OTUD4: variants seen among roughly 807,000 people sequenced by gnomAD.
The protein encoded by OTUD4 is OTU deubiquitinase 4.
In OTUD4, 24 loss-of-function variants were observed where a neutral mutation model predicts 130.4. The observed-to-expected ratio is 0.18, with a 90% CI of 0.13 to 0.26. The LOEUF is 0.26. Among genes scored for constraint, OTUD4 ranks in the 10% least tolerant of loss-of-function variants. The pLI is 1.00. For missense variants in OTUD4, 1,031 were observed against 1,329.4 expected, an observed-to-expected ratio of 0.78 and a Z score of 3.49; for synonymous variants, 420 against 472.5, an observed-to-expected ratio of 0.89 and a Z score of 1.44.
intron 1 of OTUD4, among the ~76,000 whole-genome samples, chr4:145,175,533 A>T (rs1752375508): frequency 1.3e-5 from 2 of 152,060 alleles, no homozygotes; most frequent in South Asian, 4.1e-4. Context: ...AAAGCTGTGA[A>T]TTGAAACAAC....
intron 17 of OTUD4, among the ~76,000 whole-genome samples, chr4:145,142,658 A>G (rs1396228647): frequency 6.6e-6 from 1 of 152,250 alleles, no homozygotes; most frequent in Non-Finnish European, 1.5e-5. Flanking sequence ...AGGTGCTGGA[A>G]TTACAGGCGT....
At chr4:145,139,029 G>T (rs1178846915) in intron 20 of OTUD4, among the ~76,000 whole-genome samples, 1 of 152,152 alleles carries the variant, frequency 6.6e-6, no homozygotes, top group Non-Finnish European at 1.5e-5. Context: ...CAGTATAAGA[G>T]TAGATGATCT....
intron 18 of OTUD4, 92 bp from the exon 19 acceptor site, chr4:145,141,731 G>A: frequency 8.6e-7 from 1 of 1,158,708 alleles, no homozygotes. Context: ...CTGTATAACT[G>A]ATAAAGCCAA....
Position 145,155,986 on chromosome 4 carries a change from C to CAGT in OTUD4, c.637_639dup (p.Thr213dup). 6.2e-7 allele frequency: 1 copy of CAGT among 1,608,592 alleles called. No individual in the cohort carries two copies. Among genetic ancestry groups the CAGT allele is most frequent in the Non-Finnish European group, 8.5e-7 (1 of 1,177,426 alleles). On this transcript the variant is annotated inframe_insertion, in exon 8 of 21. Coordinates refer to ENST00000447906, the MANE Select transcript of OTUD4 (RefSeq NM_001366057.1). The stretch of plus-strand genomic sequence containing the variant: ...CCATTCACATCAGCAGCAGCAGCAG[C>CAGT]AGTCTTACTCCTACAAAGAAAGATA...
chr4:145,179,811 T>G lies in OTUD4; in HGVS notation c.159+4A>C. On this transcript the variant is annotated splice_donor_region_variant and intron_variant, in intron 1 of 20. Coordinates refer to ENST00000447906, the MANE Select transcript of OTUD4 (RefSeq NM_001366057.1). ...CGAAGCCCTCCCCGCCCCCCCGCAATTACCTGCTCCGCCACGGCCCGGAAC... is the reference window on the plus strand; with the variant it reads ...CGAAGCCCTCCCCGCCCCCCCGCAAGTACCTGCTCCGCCACGGCCCGGAAC... The G allele has an allele frequency of 2.3e-6, 1 of 440,364 alleles. No homozygotes were observed. The highest frequency in any genetic ancestry group is 3.8e-6 in the Non-Finnish European group (1 of 260,042). The allele number at this position is 440,364 out of a possible 1,614,324, so 27.3% of individuals were successfully genotyped here.
In OTUD4 at chr4:145,152,593, G is replaced by C. The variant is rs138980387; in HGVS notation, c.916C>G (p.Gln306Glu). The C allele has an allele frequency of 4.5e-5, 73 of 1,611,086 alleles. No homozygotes were observed. The Middle Eastern group carries it at 6.6e-4, about 15-fold the overall frequency. The stretch of plus-strand genomic sequence containing the variant: ...GGTCCATTCTCAGAATGAATTCCTT[G>C]AACATCTGCATTCAAAAATTTTCCA... The part of the protein sequence containing the change: ...HNGKFLNADV[Q>E]GIHSENGPVL... The change falls in exon 11 of 21, where the codon CAA (glutamine) becomes GAA (glutamate). Residue 306 changes from glutamine (Q) to glutamate (E), a missense_variant. This residue lies in a region of OTUD4 where 900 missense variants were observed against 1,095.9 expected (regional missense o/e 0.82). Transcript: ENST00000447906.
At chr4:145,143,286 G>T in intron 17 of OTUD4, 79 bp downstream of exon 17, 1 of 824,296 alleles carries the variant, frequency 1.2e-6, no homozygotes. Context: ...GATGTTTTCT[G>T]TTTTTAAATG....
At chr4:145,160,468 CTGATT>C (rs756991968) in intron 6 of OTUD4, among the ~76,000 whole-genome samples, 2 of 152,194 alleles carry the variant, frequency 1.3e-5, no homozygotes, top group Non-Finnish European at 2.9e-5. Flanking sequence ...TTTTAGGACT[CTGATT>C]TGGTTTTATA....
chr4:145,165,862 G>A (rs1354391926), intron 3 of OTUD4, among the ~76,000 whole-genome samples: 1 of 152,086 alleles, frequency 6.6e-6, no homozygotes, highest in Non-Finnish European at 1.5e-5. Context: ...CTCGGGAAAT[G>A]AAATACTGAA....
rs1266356650 is a variant in OTUD4, at chr4:145,148,499, C to CA, written c.1259+2013dup. ...GGGCAACAAGAGTGAAACTCCGTCT[C>CA]AAAAAAAAAAAAAAACTGTTGATTA... On this transcript the variant is annotated intron_variant, in intron 13 of 20. Coordinates refer to ENST00000447906, the MANE Select transcript of OTUD4 (RefSeq NM_001366057.1). Among the ~76,000 whole-genome samples, 919 of 93,398 alleles carry CA rather than the reference C, an allele frequency of 9.8e-3. 1 individual carries two copies. Among genetic ancestry groups the CA allele is most frequent in the Middle Eastern group, 0.014 (2 of 144 alleles). 61.3% of individuals were successfully genotyped at this position (93,398 alleles called of 152,430 possible).
In OTUD4 at chr4:145,139,958, C is replaced by A; in HGVS notation, c.2117G>T (p.Gly706Val). 1.2e-6 allele frequency: 1 copy of A among 816,382 alleles called. No individual in the cohort carries two copies. Among genetic ancestry groups the A allele is most frequent in the African/African-American group, 1.8e-5 (1 of 56,876 alleles). The allele number at this position is 816,382 out of a possible 1,614,324, so 50.6% of individuals were successfully genotyped here. Residue 706 changes from glycine (G) to valine (V), a missense_variant, in exon 20 of 21, where the codon GGT (glycine) becomes GTT (valine). Around this residue, in one of 3 missense-constraint regions of OTUD4, gnomAD observed 900 missense variants for 1,095.9 expected, o/e 0.82. Transcript: ENST00000447906. ...KNILRFFFNLGVKAYSCPMWA... is the reference protein window; with the variant it reads ...KNILRFFFNLVVKAYSCPMWA... ...ATGATAAAATGTAAATACCTTCACA[C>A]CAAGATTGAAGAAGAATCGAAGAAT...
At chr4:145,157,570 G>A (rs1289913167) in intron 7 of OTUD4, among the ~76,000 whole-genome samples, 1 of 151,528 alleles carries the variant, frequency 6.6e-6, no homozygotes, top group Non-Finnish European at 1.5e-5. Flanking sequence ...TGTAATCCTA[G>A]CTACTCGGGA....
Position 145,141,628 on chromosome 4 carries a change from G to T in OTUD4, c.1834C>A (p.Pro612Thr). 6.5e-7 allele frequency: 1 copy of T among 1,533,360 alleles called. No homozygotes were observed. The highest frequency in any genetic ancestry group is 1.3e-5 in the South Asian group (1 of 77,160). The allele number at this position is 1,533,360 out of a possible 1,614,324, so 95.0% of individuals were successfully genotyped here. A position where few individuals can be genotyped will look rare whatever the true frequency, so the allele number is the denominator to read the frequency against. Residue 612 changes from proline (P) to threonine (T), a missense_variant, in exon 19 of 21, where the codon CCA becomes ACA. Coordinates refer to ENST00000447906, the MANE Select transcript of OTUD4 (RefSeq NM_001366057.1). Reference sequence around the variant, plus strand: ...TGTGTCACTGACAAAACGGGAATTGGAGCAGGGACACCTACAAAAGAGAAG... The same window carrying T: ...TGTGTCACTGACAAAACGGGAATTGTAGCAGGGACACCTACAAAAGAGAAG... ...TTFGPTGVPAPIPVLSVTQTL... is the reference protein window; with the variant it reads ...TTFGPTGVPATIPVLSVTQTL...
rs1750297691 is a variant in OTUD4, at chr4:145,136,826, T to C, written c.*604A>G. On this transcript the variant is annotated 3_prime_UTR_variant, in exon 21 of 21. Coordinates refer to ENST00000447906, the MANE Select transcript of OTUD4 (RefSeq NM_001366057.1). The stretch of plus-strand genomic sequence containing the variant: ...AAGACACAGTTAATAGGCTGCCTTA[T>C]GTGAATATTAAAGAGAAGACATTAT... The C allele has an allele frequency of 6.6e-6, 1 of 152,650 alleles. No homozygotes were observed. Among genetic ancestry groups the C allele is most frequent in the Non-Finnish European group, 1.5e-5 (1 of 68,058 alleles). 9.5% of individuals were successfully genotyped at this position (152,650 alleles called of 1,614,324 possible).
At chr4:145,156,136 A>G (rs535971424) in intron 7 of OTUD4, 140 bp from the exon 8 acceptor site, 12 of 599,824 alleles carry the variant, frequency 2.0e-5, no homozygotes, top group Admixed American at 3.3e-5. Context: ...AAGTTTTGGT[A>G]CAAGTATATC....
chr4:145,160,902 G>C (rs1188136574), intron 6 of OTUD4, among the ~76,000 whole-genome samples: 1 of 151,990 alleles, frequency 6.6e-6, no homozygotes, highest in Non-Finnish European at 1.5e-5. Context: ...TTGAGGTCAG[G>C]GGTTTAAGAC....
chr4:145,138,580 C>G lies in OTUD4; in HGVS notation c.2195G>C (p.Cys732Ser), dbSNP rs1750399600. 6.2e-7 allele frequency: 1 copy of G among 1,613,968 alleles called. No individual in the cohort carries two copies. Among genetic ancestry groups the G allele is most frequent in the African/African-American group, 1.3e-5 (1 of 75,022 alleles). ...YPLHQAYLAA[C>S]RMYPKVPVPV... ...GACAGGGACCTTTGGGTACATCCTG[C>G]AGGCTGCCAGGTAGGCCTGGTGCAG... The change falls in exon 21 of 21, where the codon TGC (cysteine) becomes TCC (serine). Residue 732 changes from cysteine to serine, a missense_variant. By Grantham distance (112) the Cys-to-Ser change is moderately radical. Around this residue, in one of 3 missense-constraint regions of OTUD4, gnomAD observed 900 missense variants for 1,095.9 expected, o/e 0.82. Coordinates refer to ENST00000447906, the MANE Select transcript of OTUD4 (RefSeq NM_001366057.1).
At chr4:145,146,118 A>G (rs1750810354) in intron 14 of OTUD4, 149 bp downstream of exon 14, 1 of 460,440 alleles carries the variant, frequency 2.2e-6, no homozygotes, top group Non-Finnish European at 3.6e-6. Flanking sequence ...TGTGAAAAGG[A>G]AAAATAGGAA....
intron 10 of OTUD4, among the ~76,000 whole-genome samples, chr4:145,155,194 T>C (rs1372589628): frequency 1.3e-5 from 2 of 152,224 alleles, no homozygotes. Flanking sequence ...GATCATGTGA[T>C]GGGATGCCAC....
Sources: allele counts gnomAD v4.1 joint callset (sites outside exome capture counted in the v4.1 genomes callset), GRCh38; gene constraint gnomAD v4.1.1; regional missense constraint gnomAD v4.1.1; transcripts MANE v1.5; gene names NCBI Gene and HGNC (gene_info 2026-07-23, HGNC 2026-07-21).